The following FLT3 variants were observed in gnomAD, a reference collection of about 807,000 sequenced individuals.
FLT3 encodes the protein receptor-type tyrosine-protein kinase FLT3.
FLT3 carries 46 observed loss-of-function variants against 126.6 expected under a neutral mutation model. The observed-to-expected ratio is 0.36, with a 90% CI of 0.29 to 0.46. FLT3 has a LOEUF of 0.46. Among genes scored for constraint, FLT3 ranks in the 20% least tolerant of loss-of-function variants. The pLI is 1.00. For missense variants in FLT3, 1,069 were observed against 1,190.3 expected (o/e 0.90, Z 1.50); for synonymous variants, 404 against 434.4 (o/e 0.93, Z 0.87).
intron 9 of FLT3, among the ~76,000 whole-genome samples, chr13:28,041,380 G>A (rs1874362725): frequency 1.3e-5 from 2 of 152,158 alleles, no homozygotes; most frequent in African/African-American, 4.8e-5. Flanking sequence ...CAATTCAGTG[G>A]AAAAAGAAAT....
intron 20 of FLT3, 99 bp downstream of exon 20, chr13:28,018,364 TACCA>T: frequency 7.4e-7 from 1 of 1,343,724 alleles, no homozygotes; most frequent in African/African-American, 1.4e-5. Context: ...TTTTTGATGT[TACCA>T]TAAATCAAAA....
At chr13:28,080,363 G>A (rs559160794) in intron 1 of FLT3, among the ~76,000 whole-genome samples, 1 of 152,196 alleles carries the variant, frequency 6.6e-6, no homozygotes, top group African/African-American at 2.4e-5. Context: ...GTGACAGAGA[G>A]AGACTCCATC....
intron 1 of FLT3, among the ~76,000 whole-genome samples, chr13:28,099,931 G>A (rs924256247): frequency 6.6e-6 from 1 of 152,176 alleles, no homozygotes; most frequent in African/African-American, 2.4e-5. Flanking sequence ...GGGCTGGGGG[G>A]TATCGTTATT....
Position 28,100,395 on chromosome 13 carries a change from G to C in FLT3, c.43+73C>G. The C allele has an allele frequency of 9.3e-7, 1 of 1,076,842 alleles. No homozygotes were observed. Among genetic ancestry groups the C allele is most frequent in the Non-Finnish European group, 1.2e-6 (1 of 850,964 alleles). The allele number at this position is 1,076,842 out of a possible 1,614,324, so 66.7% of individuals were successfully genotyped here. A position where few individuals can be genotyped will look rare whatever the true frequency, so the allele number is the denominator to read the frequency against. On this transcript the variant is annotated intron_variant, in intron 1 of 23. Coordinates refer to ENST00000241453, the MANE Select transcript of FLT3 (RefSeq NM_004119.3). This position sits in a 1 kb window ranked among gnomAD's most constrained non-coding sequence, Gnocchi z 4.8. Reference sequence around the variant, plus strand: ...GAGGCGGCTGGGCCGGAGGAGGCGCGCGCCCGGGTCCACACTGCGGGGTGG... The same window carrying C: ...GAGGCGGCTGGGCCGGAGGAGGCGCCCGCCCGGGTCCACACTGCGGGGTGG...
At chr13:28,072,898 G>A (rs1186223342) in intron 1 of FLT3, among the ~76,000 whole-genome samples, 5 of 152,006 alleles carry the variant, frequency 3.3e-5, no homozygotes, top group African/African-American at 9.7e-5. Flanking sequence ...CCAGCTACTC[G>A]GGAGGCTGAG....
chr13:28,077,072 AAAG>A (rs1877988160), intron 1 of FLT3, among the ~76,000 whole-genome samples: 2 of 72,540 alleles, frequency 2.8e-5, no homozygotes, highest in Non-Finnish European at 2.9e-5. Context: ...AGAAGAAAGA[AAAG>A]AAAGAAAGAA....
At chr13:28,090,940 T>C (rs1878991145) in intron 1 of FLT3, among the ~76,000 whole-genome samples, 1 of 152,040 alleles carries the variant, frequency 6.6e-6, no homozygotes, top group Non-Finnish European at 1.5e-5. Flanking sequence ...AAAAGAGCTC[T>C]CAAAGTGGTA....
intron 1 of FLT3, chr13:28,073,352 G>GAAA (rs35318238): frequency 7.0e-5 from 21 of 298,896 alleles, no homozygotes; most frequent in East Asian, 2.1e-4. Context: ...CTCATCTCTG[G>GAAA]AAAAAAAAAA....
intron 19 of FLT3, among the ~76,000 whole-genome samples, chr13:28,022,388 C>T (rs774743558): frequency 5.3e-5 from 8 of 152,006 alleles, no homozygotes; most frequent in Admixed American, 3.9e-4. Flanking sequence ...GGTATGCACC[C>T]GTGGTCCCAG....
At chr13:28,039,471 G>T (rs181240413) in intron 9 of FLT3, among the ~76,000 whole-genome samples, 26 of 151,978 alleles carry the variant, frequency 1.7e-4, no homozygotes, top group African/African-American at 5.3e-4. Flanking sequence ...AAAGTGCCGG[G>T]ATGAATTACG....
intron 9 of FLT3, among the ~76,000 whole-genome samples, chr13:28,045,984 G>A (rs1453827862): frequency 6.6e-6 from 1 of 150,852 alleles, no homozygotes; most frequent in Admixed American, 6.6e-5. Context: ...CAATTTGGCA[G>A]TGTCTGGAGA....
chr13:28,063,886 G>T (rs1876786117), intron 2 of FLT3, among the ~76,000 whole-genome samples: 1 of 152,168 alleles, frequency 6.6e-6, no homozygotes, highest in African/African-American at 2.4e-5. Flanking sequence ...TTCAAAGGAG[G>T]GAGAAGAGAT....
intron 9 of FLT3, among the ~76,000 whole-genome samples, chr13:28,041,709 T>G (rs1270017257): frequency 1.3e-5 from 2 of 152,186 alleles, no homozygotes; most frequent in Non-Finnish European, 1.5e-5. Context: ...ACTAACTAAT[T>G]AGGCTGATTG....
At chr13:28,053,715 C>T (rs1282318720) in intron 4 of FLT3, among the ~76,000 whole-genome samples, 2 of 151,668 alleles carry the variant, frequency 1.3e-5, no homozygotes, top group Admixed American at 6.6e-5. Context: ...TTTCATCCAA[C>T]CTTATGTTTT....
rs1356340531 is a variant in FLT3, at chr13:28,095,500, TCTTGA to T, written c.43+4963_43+4967del. On this transcript the variant is annotated intron_variant, in intron 1 of 23. Coordinates refer to ENST00000241453, the MANE Select transcript of FLT3 (RefSeq NM_004119.3). ...CACGTTGGCCAGGATGGTCTTGATC[TCTTGA>T]CCTCGTGATCTGCCCACCTTGGCCT... Among the ~76,000 whole-genome samples the T allele has an allele frequency of 6.6e-5, 10 of 152,240 alleles. No homozygotes were observed. In the East Asian group the frequency reaches 1.9e-3, roughly 30 times the overall value.
rs1020752200 is a variant in FLT3 at position 28,052,788 on chromosome 13, A to AT, written c.485-115dup. The AT allele has an allele frequency of 4.2e-5, 27 of 639,282 alleles. No individual in the cohort carries two copies. The South Asian group carries it at 9.5e-4, about 23-fold the overall frequency. 39.6% of individuals were successfully genotyped at this position (639,282 alleles called of 1,614,324 possible). A position where few individuals can be genotyped will look rare whatever the true frequency, so the allele number is the denominator to read the frequency against. On this transcript the variant is annotated intron_variant, in intron 4 of 23. Coordinates refer to ENST00000241453, the MANE Select transcript of FLT3 (RefSeq NM_004119.3). ...AAGTTCTCAACCATTACGTATACATATTTTTTTCTTTTTTCATAATAAAGG... is the reference window on the plus strand; with the variant it reads ...AAGTTCTCAACCATTACGTATACATATTTTTTTTCTTTTTTCATAATAAAGG...
At chr13:28,006,997 T>A (rs1870964894) in intron 23 of FLT3, among the ~76,000 whole-genome samples, 1 of 152,116 alleles carries the variant, frequency 6.6e-6, no homozygotes, top group Non-Finnish European at 1.5e-5. Flanking sequence ...CACCTAGGCC[T>A]CCCAAAGTGC....
At chr13:28,085,137 G>C (rs141671245) in intron 1 of FLT3, among the ~76,000 whole-genome samples, 2 of 151,874 alleles carry the variant, frequency 1.3e-5, no homozygotes, top group Admixed American at 6.6e-5. Flanking sequence ...TGAGAAAGGA[G>C]TTCAAGACCA....
rs1462241463 is a variant in FLT3, at chr13:28,051,701, C to T, written c.614+844G>A. 5.9e-5 allele frequency among the ~76,000 whole-genome samples: 9 copies of T among 151,938 alleles called. No homozygotes were observed. In the East Asian group the frequency reaches 9.7e-4, roughly 16 times the overall value. On this transcript the variant is annotated intron_variant, in intron 5 of 23. Coordinates refer to ENST00000241453, the MANE Select transcript of FLT3 (RefSeq NM_004119.3). ...CTGGGACTACAGGTGCCCGCCACCA[C>T]GCCCGGCTAATTTTTTTTGTATTTT...
Sources: gnomAD v4.1 joint callset for allele counts (sites outside exome capture counted in the v4.1 genomes callset) on GRCh38, gnomAD v4.1.1 for gene constraint, Gnocchi (gnomAD v3.1) non-coding constraint, MANE v1.5 for transcripts, NCBI Gene and HGNC (gene_info 2026-07-23, HGNC 2026-07-21) for gene names.